The following GREP1 variants were observed in gnomAD, a reference collection of about 807,000 sequenced individuals.
The protein encoded by GREP1 is glycine rich extracellular protein 1, also known as glycine-rich extracellular protein 1.
chr16:3,001,352 T>G lies in GREP1; in HGVS notation c.1585+18T>G, dbSNP rs1176535122. 1 of 398,968 alleles carries G rather than the reference T, an allele frequency of 2.5e-6. No individual in the cohort carries two copies. The highest frequency in any genetic ancestry group is 4.4e-6 in the Non-Finnish European group (1 of 226,128). 24.7% of individuals were successfully genotyped at this position (398,968 alleles called of 1,614,324 possible). A position where few individuals can be genotyped will look rare whatever the true frequency, so the allele number is the denominator to read the frequency against. On this transcript the variant is annotated intron_variant, in intron 34 of 34. Transcript: ENST00000573315. ...CTACGGAGGTGAGAGGGAGGCGCAA[T>G]GGCCGAGCCGCCTGCCCAAAGGCCC...
chr16:2,999,321 A>G, intron 27 of GREP1: 1 of 398,622 alleles, frequency 2.5e-6, no homozygotes, highest in Non-Finnish European at 4.4e-6. Context: ...GTCTGCCCCC[A>G]GGCCCCACAT....
chr16:2,988,460 G>C (rs1259214905), intron 1 of GREP1, 120 bp downstream of exon 1: 3 of 399,136 alleles, frequency 7.5e-6, no homozygotes, highest in Non-Finnish European at 1.3e-5. Flanking sequence ...CTGGGGTGTG[G>C]AAAGCCTGGT....
intron 33 of GREP1, 32 bp from the exon 28 acceptor site, chr16:3,001,249 G>A (rs1309838027): frequency 3.0e-5 from 12 of 399,004 alleles, no homozygotes; most frequent in Non-Finnish European, 4.0e-5. Context: ...CTGGTGACCC[G>A]AGTGCTCCTG....
chr16:2,993,992 A>T (rs1200975778), intron 10 of GREP1: 2 of 152,854 alleles, frequency 1.3e-5, no homozygotes, highest in African/African-American at 4.8e-5. Flanking sequence ...CAACCAAAGT[A>T]ATCCGTGGAC....
chr16:2,997,979 A>C, intron 23 of GREP1, 144 bp downstream of exon 21: 1 of 178,460 alleles, frequency 5.6e-6, no homozygotes, highest in Non-Finnish European at 1.1e-5. Context: ...GAGCCCAGCC[A>C]GGTGAGGGAG....
chr16:3,000,895 C>T, intron 33 of GREP1, 68 bp downstream of exon 27: 1 of 398,144 alleles, frequency 2.5e-6, no homozygotes, highest in Non-Finnish European at 4.4e-6. Context: ...GGCCCTGGGC[C>T]CAGGTCTACC....
chr16:2,998,365 G>T (rs2072438101), exon 24 of GREP1: 1 of 399,284 alleles, frequency 2.5e-6, no homozygotes. Context: ...GGCCTGCGAG[G>T]GACCTTGAAG....
At chr16:2,999,034 G>A in intron 26 of GREP1, 55 bp downstream of exon 24, 1 of 399,054 alleles carries the variant, frequency 2.5e-6, no homozygotes, top group Non-Finnish European at 4.4e-6. Flanking sequence ...GGCCCTATGA[G>A]GGTCAGGGCC....
exon 19 of GREP1, chr16:2,996,499 A>G: frequency 2.5e-6 from 1 of 398,682 alleles, no homozygotes; most frequent in East Asian, 3.6e-5. Flanking sequence ...CCCCTAGAAT[A>G]TGGCCATGGA....
At chr16:2,999,324 C>T (rs1421304777) in intron 27 of GREP1, 1 of 398,632 alleles carries the variant, frequency 2.5e-6, no homozygotes, top group Admixed American at 4.4e-5. Context: ...TGCCCCCAGG[C>T]CCCACATCCC....
exon 32 of GREP1, chr16:3,000,595 C>G: frequency 2.5e-6 from 1 of 398,922 alleles, no homozygotes; most frequent in Non-Finnish European, 4.4e-6. Flanking sequence ...AGCAGCAGCT[C>G]TAGCCCCTGA....
At chr16:2,988,695 C>A (rs1250996095) in intron 2 of GREP1, 73 bp downstream of exon 2, 1 of 398,878 alleles carries the variant, frequency 2.5e-6, no homozygotes, top group African/African-American at 2.1e-5. Context: ...TGGGAGCTCT[C>A]TGGGACTCCC....
At position 2,989,627 on chromosome 16, in the gene GREP1, GA is replaced by G. The variant is rs1204832292; in HGVS notation, c.130+78del. The G allele has an allele frequency of 3.3e-5, 13 of 395,992 alleles. No individual in the cohort carries two copies. In the Admixed American group the frequency reaches 5.7e-4, roughly 17 times the overall value. The allele number at this position is 395,992 out of a possible 1,614,324, so 24.5% of individuals were successfully genotyped here. On this transcript the variant is annotated intron_variant, in intron 3 of 34. Transcript: ENST00000573315. The surrounding 1 kb of genome is among the most constrained non-coding windows in gnomAD (Gnocchi z 4.2). ...AGGGGGGAGGCAGGACAGGAACAGGGAAAGCTGGGCGGGGGGCAGGTAAAGG... is the reference window on the plus strand; with the variant it reads ...AGGGGGGAGGCAGGACAGGAACAGGGAAGCTGGGCGGGGGGCAGGTAAAGG...
chr16:2,997,468 G>T, intron 22 of GREP1: 1 of 399,092 alleles, frequency 2.5e-6, no homozygotes, highest in Non-Finnish European at 4.4e-6. Flanking sequence ...GAAAGAGGTG[G>T]GGGCCTGGCT....
exon 35 of GREP1, chr16:3,001,935 G>A (rs1381652567): frequency 3.2e-6 from 1 of 312,398 alleles, no homozygotes; most frequent in Non-Finnish European, 5.8e-6. Flanking sequence ...CAAGTTAGGG[G>A]CCTTGTGCAT....
Position 2,989,856 on chromosome 16 carries a change from C to G in GREP1, c.131-118C>G, listed in dbSNP as rs958264244. The G allele has an allele frequency of 4.5e-5, 18 of 398,396 alleles. No individual in the cohort carries two copies. The highest frequency in any genetic ancestry group is 3.3e-4 in the African/African-American group (16 of 48,568). The allele number at this position is 398,396 out of a possible 1,614,324, so 24.7% of individuals were successfully genotyped here. A position where few individuals can be genotyped will look rare whatever the true frequency, so the allele number is the denominator to read the frequency against. On this transcript the variant is annotated intron_variant, in intron 3 of 34. Transcript: ENST00000573315. The surrounding 1 kb of genome is among the most constrained non-coding windows in gnomAD (Gnocchi z 4.2). ...CCCACCTGTGCCCCACAGCCCTCCC[C>G]CATCATGGGAAGGGACTGAGTTCCC...
At chr16:2,994,811 G>C (rs2072416347) in exon 12 of GREP1, 3 of 399,038 alleles carry the variant, frequency 7.5e-6, no homozygotes, top group Non-Finnish European at 1.3e-5. Context: ...ACCAGGCTAT[G>C]TGGGGGCCGT....
intron 14 of GREP1, 58 bp downstream of exon 15, chr16:2,995,374 C>T (rs2151100214): frequency 2.5e-6 from 1 of 398,874 alleles, no homozygotes; most frequent in East Asian, 3.6e-5. Context: ...CCTTCCCCCT[C>T]TCACCCCCAC....
chr16:2,990,853 G>A (rs986438159), intron 7 of GREP1, among the ~76,000 whole-genome samples, 195 bp from the exon 7 acceptor site: 13 of 152,160 alleles, frequency 8.5e-5, no homozygotes, highest in Non-Finnish European at 1.8e-4. Context: ...GTGGAGCAGG[G>A]AGCCCAGGGC....
Sources: allele counts gnomAD v4.1 joint callset (sites outside exome capture counted in the v4.1 genomes callset), GRCh38; gene constraint gnomAD v4.1.1; non-coding constraint Gnocchi (gnomAD v3.1); transcripts MANE v1.5; gene names NCBI Gene and HGNC (gene_info 2026-07-23, HGNC 2026-07-21).